SPEN: variants seen among roughly 807,000 people sequenced by gnomAD.
The protein encoded by SPEN is msx2-interacting protein.
SPEN carries 18 observed loss-of-function variants against 269.9 expected under a neutral mutation model. The observed-to-expected ratio is 0.07, with a 90% CI of 0.05 to 0.10. The LOEUF is 0.10. Among genes scored for constraint, SPEN ranks in the 10% least tolerant of loss-of-function variants. The pLI, the probability that SPEN is intolerant of heterozygous loss-of-function variation, is 1.00. For synonymous variants in SPEN, 1,726 were observed against 1,765.7 expected (o/e 0.98, Z 0.56); for missense variants, 3,822 against 4,631.2 (o/e 0.83, Z 5.07).
Position 15,939,626 on chromosome 1 carries a change from T to G in SPEN, c.*199T>G. On this transcript the variant is annotated 3_prime_UTR_variant, in exon 15 of 15. Transcript: ENST00000375759. The surrounding 1 kb of genome is among the most constrained non-coding windows in gnomAD (Gnocchi z 4.1). ...GGTGCTGCTACCTTGTATGTTTACA[T>G]AATGCTTTAGCCCAAGGACACATCA... 1.9e-6 allele frequency: 1 copy of G among 537,734 alleles called. No individual in the cohort carries two copies. Among genetic ancestry groups the G allele is most frequent in the East Asian group, 3.5e-5 (1 of 28,332 alleles). 33.3% of individuals were successfully genotyped at this position (537,734 alleles called of 1,614,324 possible). A position where few individuals can be genotyped will look rare whatever the true frequency, so the allele number is the denominator to read the frequency against.
chr1:15,899,344 G>A (rs866284450), intron 3 of SPEN, among the ~76,000 whole-genome samples: 13 of 151,616 alleles, frequency 8.6e-5, no homozygotes, highest in Middle Eastern at 3.4e-3. Context: ...CTGGCTAATC[G>A]TTTTTGGTAA....
chr1:15,883,570 G>A (rs1362046927), intron 3 of SPEN, among the ~76,000 whole-genome samples: 4 of 151,804 alleles, frequency 2.6e-5, no homozygotes, highest in East Asian at 1.9e-4. Context: ...ATAGGCATGC[G>A]CCACCACATC....
At chr1:15,909,883 T>G (rs1048812480) in intron 4 of SPEN, among the ~76,000 whole-genome samples, 1 of 152,082 alleles carries the variant, frequency 6.6e-6, no homozygotes, top group Non-Finnish European at 1.5e-5. Flanking sequence ...CCCAGCACTT[T>G]GGGAGGCCGA....
chr1:15,850,451 T>C (rs1410461524), intron 1 of SPEN, among the ~76,000 whole-genome samples: 1 of 152,060 alleles, frequency 6.6e-6, no homozygotes, highest in Non-Finnish European at 1.5e-5. Flanking sequence ...AAATAGACAG[T>C]ACATTTTTAT....
rs1232516652 is a variant in SPEN, at chr1:15,939,418, C to T, written c.10986C>T (p.Ala3662=). 1 of 1,596,924 alleles carries T rather than the reference C, an allele frequency of 6.3e-7. No individual in the cohort carries two copies. The highest frequency in any genetic ancestry group is 8.5e-7 in the Non-Finnish European group (1 of 1,171,596). The change falls in exon 15 of 15, where the codon GCC becomes GCT. Residue 3662 remains alanine, a synonymous_variant. Transcript: ENST00000375759. This position sits in a 1 kb window ranked among gnomAD's most constrained non-coding sequence, Gnocchi z 4.1. The part of the protein sequence containing the change: ...NISPHLMIVI[A]SV Reference sequence around the variant, plus strand: ...CTCCCCACCTCATGATTGTCATTGCCTCCGTGTGAGCCACTGAGTGGTTAT... The same window carrying T: ...CTCCCCACCTCATGATTGTCATTGCTTCCGTGTGAGCCACTGAGTGGTTAT...
Position 15,931,260 on chromosome 1 carries a change from G to A in SPEN, c.5020G>A (p.Val1674Met), listed in dbSNP as rs780207641. The change falls in exon 11 of 15, where the codon GTG (valine) becomes ATG (methionine). Residue 1674 changes from valine to methionine, a missense_variant. Transcript: ENST00000375759. This position sits in a 1 kb window ranked among gnomAD's most constrained non-coding sequence, Gnocchi z 4.8. ...GCCTTTGGTAACAGAAGAGAAGACTGTGGAGCCAGCTACCGTCTCAGAAGA... is the reference window on the plus strand; with the variant it reads ...GCCTTTGGTAACAGAAGAGAAGACTATGGAGCCAGCTACCGTCTCAGAAGA... ...EAPLVTEEKT[V>M]EPATVSEEAK... is the part of the protein sequence containing the mutation. 1.2e-6 allele frequency: 2 copies of A among 1,614,072 alleles called. No homozygotes were observed. The highest frequency in any genetic ancestry group is 1.3e-5 in the African/African-American group (1 of 74,934).
chr1:15,938,543 G>A (rs1333851185), intron 13 of SPEN, 175 bp from the exon 14 acceptor site: 1 of 551,634 alleles, frequency 1.8e-6, no homozygotes, highest in Non-Finnish European at 3.0e-6. Flanking sequence ...TTTTAAATCA[G>A]CTTTCTCAGG....
At chr1:15,923,522 A>G (rs1351621052) in intron 10 of SPEN, among the ~76,000 whole-genome samples, 3 of 152,214 alleles carry the variant, frequency 2.0e-5, no homozygotes, top group Non-Finnish European at 4.4e-5. Context: ...AAGATGAGCC[A>G]AGTCAGGGTT....
rs2071183733 is a variant in SPEN, at chr1:15,928,005, G to A, written c.1851-86G>A. ...AATAATGTCAAAAGATTTTTTAGAA[G>A]CAGGAATTTCTGATTTCATATGTAT... On this transcript the variant is annotated intron_variant, in intron 10 of 14. Transcript: ENST00000375759. This position sits in a 1 kb window ranked among gnomAD's most constrained non-coding sequence, Gnocchi z 5.7. 1 of 1,245,658 alleles carries A rather than the reference G, an allele frequency of 8.0e-7. No individual in the cohort carries two copies. The highest frequency in any genetic ancestry group is 1.5e-5 in the African/African-American group (1 of 65,458). The allele number at this position is 1,245,658 out of a possible 1,614,324, so 77.2% of individuals were successfully genotyped here.
rs763123022 is a variant in SPEN, at chr1:15,933,658, C to G, written c.7418C>G (p.Pro2473Arg). ...CCAAGCATCCCCATACCCACACTGC[C>G]TTCTGTAACTGCAGCAAAGCTCTCA... is the stretch of plus-strand genomic sequence containing the variant. ...SDPSIPIPTL[P>R]SVTAAKLSPP... The change falls in exon 11 of 15, where the codon CCT (proline) becomes CGT (arginine). Residue 2473 changes from proline to arginine, a missense_variant. Pro to Arg is a moderately radical substitution (Grantham distance 103). Transcript: ENST00000375759. This position sits in a 1 kb window ranked among gnomAD's most constrained non-coding sequence, Gnocchi z 5.7. 1 of 1,614,148 alleles carries G rather than the reference C, an allele frequency of 6.2e-7. No homozygotes were observed. Among genetic ancestry groups the G allele is most frequent in the Non-Finnish European group, 8.5e-7 (1 of 1,180,020 alleles).
intron 1 of SPEN, among the ~76,000 whole-genome samples, chr1:15,854,359 G>C (rs1390908871): frequency 6.6e-6 from 1 of 151,802 alleles, no homozygotes; most frequent in Non-Finnish European, 1.5e-5. Flanking sequence ...TTTACTATTT[G>C]GTTTAAATTT....
At chr1:15,866,029 G>A (rs545000696) in intron 1 of SPEN, among the ~76,000 whole-genome samples, 115 of 151,940 alleles carry the variant, frequency 7.6e-4, no homozygotes, top group African/African-American at 2.6e-3. Flanking sequence ...TTCCTTTATG[G>A]TTTAGGGATT....
At position 15,934,549 on chromosome 1, in the gene SPEN, C is replaced by T. The variant is rs746961330; in HGVS notation, c.8309C>T (p.Ser2770Leu). The part of the protein sequence containing the change: ...VTMAGAVIAP[S>L]TKCKQRASAN... ...ATGGCAGGGGCAGTGATTGCGCCGT[C>T]AACAAAGTGCAAACAGAGAGCGAGT... is the stretch of plus-strand genomic sequence containing the variant. Residue 2770 changes from serine (S) to leucine (L), a missense_variant, in exon 11 of 15, where the codon TCA becomes TTA. By Grantham distance (145) the Ser-to-Leu change is moderately radical. Around this residue, in one of 16 missense-constraint regions of SPEN, gnomAD observed 329 missense variants for 431.2 expected, o/e 0.76. Coordinates refer to ENST00000375759, the MANE Select transcript of SPEN (RefSeq NM_015001.3). The surrounding 1 kb of genome is among the most constrained non-coding windows in gnomAD (Gnocchi z 9.2). 1.1e-5 allele frequency: 17 copies of T among 1,614,110 alleles called. No homozygotes were observed. The highest frequency in any genetic ancestry group is 3.3e-5 in the South Asian group (3 of 91,086).
chr1:15,876,785 A>G lies in SPEN; in HGVS notation c.881+107A>G, dbSNP rs1353458239. On this transcript the variant is annotated intron_variant, in intron 3 of 14. Transcript: ENST00000375759. ...GTATTATTTTTTAAAGTAATCTTGG[A>G]TCATATATGTATGTAATCAGTAAAG... 55 of 863,140 alleles carry G rather than the reference A, an allele frequency of 6.4e-5. No individual in the cohort carries two copies. In the South Asian group the frequency reaches 8.7e-4, roughly 14 times the overall value. 53.5% of individuals were successfully genotyped at this position (863,140 alleles called of 1,614,324 possible). A position where few individuals can be genotyped will look rare whatever the true frequency, so the allele number is the denominator to read the frequency against.
At chr1:15,856,115 A>G (rs528592145) in intron 1 of SPEN, among the ~76,000 whole-genome samples, 9 of 146,092 alleles carry the variant, frequency 6.2e-5, no homozygotes, top group East Asian at 2.1e-4. Flanking sequence ...TCAGCCTCCC[A>G]AATAGCTGGG....
intron 3 of SPEN, among the ~76,000 whole-genome samples, chr1:15,889,164 CTT>C (rs56721891): frequency 8.8e-5 from 11 of 124,906 alleles, no homozygotes; most frequent in Non-Finnish European, 1.1e-4. Flanking sequence ...CTTTTCTTTT[CTT>C]TTTTTTTTTT....
At chr1:15,894,538 T>TC (rs1432168624) in intron 3 of SPEN, among the ~76,000 whole-genome samples, 1 of 137,790 alleles carries the variant, frequency 7.3e-6, no homozygotes, top group East Asian at 2.1e-4. Flanking sequence ...TTATGGTTGT[T>TC]TTTTTTTTTT....
In SPEN at chr1:15,916,116, T is replaced by C. The variant is rs1338156117; in HGVS notation, c.1244-12T>C. ...GTCTTCTCTTTTTACTCGGCCCCCATTCCACTTACAGAAACAGAAAGTGAA... is the reference window on the plus strand; with the variant it reads ...GTCTTCTCTTTTTACTCGGCCCCCACTCCACTTACAGAAACAGAAAGTGAA... On this transcript the variant is annotated splice_polypyrimidine_tract_variant and intron_variant, in intron 5 of 14. Transcript: ENST00000375759. 1.2e-6 allele frequency: 2 copies of C among 1,606,968 alleles called. No individual in the cohort carries two copies. The highest frequency in any genetic ancestry group is 1.7e-6 in the Non-Finnish European group (2 of 1,177,668).
At chr1:15,906,887 C>T (rs933578648) in intron 3 of SPEN, among the ~76,000 whole-genome samples, 3 of 150,556 alleles carry the variant, frequency 2.0e-5, no homozygotes, top group African/African-American at 7.4e-5. Flanking sequence ...TGATCCTCTG[C>T]CTCAGCCTCC....
Sources: gnomAD v4.1 joint callset for allele counts (sites outside exome capture counted in the v4.1 genomes callset) on GRCh38, gnomAD v4.1.1 for gene constraint, gnomAD v4.1.1 regional missense constraint, Gnocchi (gnomAD v3.1) non-coding constraint, MANE v1.5 for transcripts, NCBI Gene and HGNC (gene_info 2026-07-23, HGNC 2026-07-21) for gene names.